PIP4K2A: variants seen among roughly 807,000 people sequenced by gnomAD.
PIP4K2A encodes phosphatidylinositol 5-phosphate 4-kinase type-2 alpha.
PIP4K2A carries 14 observed loss-of-function variants against 42.9 expected under a neutral mutation model. That is an observed-to-expected ratio of 0.33 (90% CI 0.22 to 0.51). PIP4K2A has a LOEUF of 0.51. Among genes scored for constraint, PIP4K2A ranks in the 20% least tolerant of loss-of-function variants. The probability of loss-of-function intolerance (pLI) is 0.97; values close to 1 mark genes in which losing one functional copy is unlikely to be tolerated. For synonymous variants in PIP4K2A, 192 were observed against 192.2 expected (o/e 1.00, Z 0.01); for missense variants, 434 against 519.8 (o/e 0.83, Z 1.61).
At chr10:22,684,085 T>A (rs562017384) in intron 1 of PIP4K2A, among the ~76,000 whole-genome samples, 1 of 152,068 alleles carries the variant, frequency 6.6e-6, no homozygotes, top group Admixed American at 6.6e-5. Context: ...CCCCCTTAAA[T>A]GCATTACCTC....
chr10:22,674,272 T>A (rs1187405163), intron 1 of PIP4K2A, among the ~76,000 whole-genome samples: 2 of 152,106 alleles, frequency 1.3e-5, no homozygotes, highest in African/African-American at 4.8e-5. Flanking sequence ...TCTTCTCTAA[T>A]AATAACCCCT....
chr10:22,635,257 A>G (rs1288764145), intron 1 of PIP4K2A, among the ~76,000 whole-genome samples: 1 of 152,158 alleles, frequency 6.6e-6, no homozygotes, highest in Non-Finnish European at 1.5e-5. Context: ...GTTGACAATG[A>G]AATGTTATGG....
intron 6 of PIP4K2A, among the ~76,000 whole-genome samples, chr10:22,552,084 A>G (rs949170379): frequency 6.6e-6 from 1 of 152,256 alleles, no homozygotes; most frequent in Non-Finnish European, 1.5e-5. Context: ...TAAGCCAAAC[A>G]GAATTAATCC....
intron 1 of PIP4K2A, among the ~76,000 whole-genome samples, chr10:22,706,318 T>C (rs1430988651): frequency 3.3e-5 from 5 of 152,156 alleles, no homozygotes; most frequent in Admixed American, 6.5e-5. Flanking sequence ...GGTTAGCACC[T>C]TGGCAGATCT....
At chr10:22,582,684 G>A (rs1180816100) in intron 4 of PIP4K2A, among the ~76,000 whole-genome samples, 3 of 151,844 alleles carry the variant, frequency 2.0e-5, no homozygotes, top group Admixed American at 6.6e-5. Flanking sequence ...TACTTCACAT[G>A]AAAGAAAAGG....
intron 1 of PIP4K2A, among the ~76,000 whole-genome samples, chr10:22,686,501 G>A (rs1451831137): frequency 2.0e-5 from 3 of 152,072 alleles, no homozygotes; most frequent in South Asian, 2.1e-4. Flanking sequence ...TTAAGAGATG[G>A]GGTTTTACTC....
At chr10:22,542,069 T>G (rs758377397) in intron 7 of PIP4K2A, 22 bp from the exon 8 acceptor site, 1 of 1,586,590 alleles carries the variant, frequency 6.3e-7, no homozygotes, top group South Asian at 1.2e-5. Context: ...GGCAACAGGG[T>G]GAGTCAGCCA....
intron 1 of PIP4K2A, among the ~76,000 whole-genome samples, chr10:22,682,612 C>T (rs1211427951): frequency 2.0e-5 from 3 of 152,178 alleles, no homozygotes; most frequent in African/African-American, 7.2e-5. Flanking sequence ...ATGGTTGGTG[C>T]TCCGTGGTGG....
rs758289592 is a variant in PIP4K2A, at chr10:22,541,973, C to T, written c.867G>A (p.Glu289=). ...CATCGTTCTCCTCACACTCCACTTC[C>T]TCCTGTTCGGCTCTCTCCACATCAT... The part of the protein sequence containing the change: ...GIHDVERAEQ[E]EVECEENDGE... The change falls in exon 8 of 10, where the codon GAG becomes GAA. Residue 289 remains glutamate (E), a synonymous_variant. Transcript: ENST00000376573. 11 of 1,614,152 alleles carry T rather than the reference C, an allele frequency of 6.8e-6. No individual in the cohort carries two copies. In the Middle Eastern group the frequency reaches 4.9e-4, roughly 73 times the overall value.
intron 4 of PIP4K2A, among the ~76,000 whole-genome samples, chr10:22,577,676 C>G (rs530783060): frequency 5.9e-5 from 9 of 152,204 alleles, no homozygotes; most frequent in Non-Finnish European, 1.2e-4. Context: ...CACGGTGGAT[C>G]CCCTTCTGAG....
chr10:22,640,050 A>G, intron 1 of PIP4K2A, among the ~76,000 whole-genome samples: 1 of 149,238 alleles, frequency 6.7e-6, no homozygotes, highest in East Asian at 2.0e-4. Flanking sequence ...TTTAAGGAAA[A>G]AGAAAAAGAA....
At chr10:22,661,554 T>C (rs542703760) in intron 1 of PIP4K2A, among the ~76,000 whole-genome samples, 8 of 152,024 alleles carry the variant, frequency 5.3e-5, no homozygotes, top group African/African-American at 7.2e-5. Context: ...GTAGAAACAA[T>C]GTCTCACTTT....
At chr10:22,600,621 C>G (rs1837740092) in intron 3 of PIP4K2A, among the ~76,000 whole-genome samples, 1 of 152,210 alleles carries the variant, frequency 6.6e-6, no homozygotes, top group Non-Finnish European at 1.5e-5. Flanking sequence ...AAACCAATCA[C>G]TGCCCTGCTG....
At chr10:22,667,404 G>C (rs1839370360) in intron 1 of PIP4K2A, among the ~76,000 whole-genome samples, 2 of 152,132 alleles carry the variant, frequency 1.3e-5, no homozygotes, top group Non-Finnish European at 2.9e-5. Flanking sequence ...AATTATGGTA[G>C]CAAACACCTT....
intron 1 of PIP4K2A, among the ~76,000 whole-genome samples, chr10:22,616,608 GAT>G (rs1382691596): frequency 6.6e-6 from 1 of 152,036 alleles, no homozygotes; most frequent in Non-Finnish European, 1.5e-5. Context: ...CAGCCAGTGA[GAT>G]AAGATTCCTA....
chr10:22,580,424 C>A (rs1006235173), intron 4 of PIP4K2A, among the ~76,000 whole-genome samples: 3 of 151,818 alleles, frequency 2.0e-5, no homozygotes, highest in East Asian at 1.9e-4. Context: ...CCAAGGCGGG[C>A]GGATTACTTG....
intron 5 of PIP4K2A, among the ~76,000 whole-genome samples, chr10:22,571,978 CAT>C (rs1403543675): frequency 2.6e-5 from 4 of 152,170 alleles, no homozygotes; most frequent in Non-Finnish European, 5.9e-5. Flanking sequence ...AAAATGTTAA[CAT>C]GTAATGTTTT....
chr10:22,640,363 T>C (rs1838755986), intron 1 of PIP4K2A, among the ~76,000 whole-genome samples: 1 of 152,152 alleles, frequency 6.6e-6, no homozygotes. Flanking sequence ...AATCAGGTGC[T>C]CTTTCTGCAC....
At chr10:22,702,985 T>C (rs1476656207) in intron 1 of PIP4K2A, among the ~76,000 whole-genome samples, 1 of 152,152 alleles carries the variant, frequency 6.6e-6, no homozygotes, top group Non-Finnish European at 1.5e-5. Context: ...CAGTGTTAAG[T>C]GTCACAGAGA....
Sources: gnomAD v4.1 joint callset for allele counts (sites outside exome capture counted in the v4.1 genomes callset) on GRCh38, gnomAD v4.1.1 for gene constraint, MANE v1.5 for transcripts, NCBI Gene and HGNC (gene_info 2026-07-23, HGNC 2026-07-21) for gene names.